The following CEP83 variants were observed in gnomAD, a reference collection of about 807,000 sequenced individuals.
The protein encoded by CEP83 is centrosomal protein of 83 kDa.
In CEP83, 70 loss-of-function variants were observed where a neutral mutation model predicts 101.9. The ratio of observed to expected loss-of-function variants is 0.69; its 90% CI spans 0.57 to 0.84. CEP83 has a LOEUF of 0.84. Among genes scored for constraint, CEP83 ranks in the 40% least tolerant of loss-of-function variants. CEP83 has a pLI of 0.00. For synonymous variants in CEP83, 264 were observed against 267.9 expected (o/e 0.99, Z 0.14); for missense variants, 715 against 787.2 (o/e 0.91, Z 1.10).
intron 1 of CEP83, among the ~76,000 whole-genome samples, chr12:94,442,521 AT>A (rs60529674): frequency 0.25 from 36,904 of 150,390 alleles, 4,864 homozygotes; most frequent in South Asian, 0.33. Flanking sequence ...TGAAATAATG[AT>A]TTTTTTTTTA....
chr12:94,398,686 G>A (rs547521037), intron 6 of CEP83, among the ~76,000 whole-genome samples: 5 of 152,276 alleles, frequency 3.3e-5, no homozygotes, highest in South Asian at 2.1e-4. Context: ...GACTGCCTGC[G>A]GGGTCAGACA....
At chr12:94,362,523 G>A (rs957064558) in intron 11 of CEP83, among the ~76,000 whole-genome samples, 1 of 152,118 alleles carries the variant, frequency 6.6e-6, no homozygotes, top group African/African-American at 2.4e-5. Context: ...CTGTAATCCA[G>A]CTGCTCAGGA....
chr12:94,411,468 A>C (rs1446153064), intron 4 of CEP83, among the ~76,000 whole-genome samples: 1 of 152,154 alleles, frequency 6.6e-6, no homozygotes, highest in African/African-American at 2.4e-5. Context: ...TTTATATCAG[A>C]ATAGGCAATA....
intron 11 of CEP83, among the ~76,000 whole-genome samples, chr12:94,345,023 G>A (rs1199656860): frequency 1.3e-5 from 2 of 152,072 alleles, no homozygotes; most frequent in Non-Finnish European, 2.9e-5. Context: ...AATTCAGTGA[G>A]GGAAAAGATA....
intron 9 of CEP83, chr12:94,368,470 C>A: frequency 3.5e-6 from 1 of 286,834 alleles, no homozygotes; most frequent in East Asian, 6.8e-5. Flanking sequence ...TTTACTCATT[C>A]GAACATTGAG....
intron 11 of CEP83, among the ~76,000 whole-genome samples, chr12:94,360,395 G>C (rs2060691361): frequency 6.6e-6 from 1 of 151,824 alleles, no homozygotes; most frequent in African/African-American, 2.4e-5. Context: ...CCACCAAAAA[G>C]CTCTTAGAAC....
intron 2 of CEP83, among the ~76,000 whole-genome samples, chr12:94,432,432 C>T (rs527858287): frequency 6.6e-6 from 1 of 152,160 alleles, no homozygotes; most frequent in African/African-American, 2.4e-5. Context: ...AGAATGAAAT[C>T]ATGTCATTTG....
chr12:94,361,899 C>T (rs577477150), intron 11 of CEP83, among the ~76,000 whole-genome samples: 4 of 152,220 alleles, frequency 2.6e-5, no homozygotes, highest in African/African-American at 9.6e-5. Context: ...CAGGGTTTCA[C>T]CATGTTGGTC....
intron 1 of CEP83, among the ~76,000 whole-genome samples, chr12:94,449,714 A>C (rs2067094933): frequency 6.9e-6 from 1 of 144,884 alleles, no homozygotes; most frequent in Non-Finnish European, 1.5e-5. Context: ...TTGAGGCTGC[A>C]GTGAGCCAAA....
chr12:94,296,263 T>G, the CEP83 span, among the ~76,000 whole-genome samples: 2 of 152,162 alleles, frequency 1.3e-5, no homozygotes, highest in African/African-American at 4.8e-5. Context: ...TGGGCTCAAA[T>G]GATCCTCCCA....
At chr12:94,289,647 A>AG in the CEP83 span, among the ~76,000 whole-genome samples, 1 of 152,206 alleles carries the variant, frequency 6.6e-6, no homozygotes, top group African/African-American at 2.4e-5. Flanking sequence ...TCTGCATTCC[A>AG]GGGCACTTTT....
chr12:94,392,977 A>G (rs1566071390), intron 6 of CEP83, among the ~76,000 whole-genome samples: 1 of 152,198 alleles, frequency 6.6e-6, no homozygotes, highest in Non-Finnish European at 1.5e-5. Flanking sequence ...AATTGAGGCA[A>G]TAATTAATAG....
intron 8 of CEP83, among the ~76,000 whole-genome samples, chr12:94,370,400 G>GT (rs1384937131): frequency 6.6e-6 from 1 of 152,172 alleles, no homozygotes; most frequent in Admixed American, 6.5e-5. Context: ...AAAAGACAGG[G>GT]TCTTGCTATG....
In CEP83 at chr12:94,335,518, T is replaced by G; in HGVS notation, c.1419+71A>C. The G allele has an allele frequency of 3.9e-6, 4 of 1,030,560 alleles. 1 individual carries two copies. In the South Asian group the frequency reaches 5.9e-5, roughly 15 times the overall value. 63.8% of individuals were successfully genotyped at this position (1,030,560 alleles called of 1,614,324 possible). A position where few individuals can be genotyped will look rare whatever the true frequency, so the allele number is the denominator to read the frequency against. On this transcript the variant is annotated intron_variant, in intron 12 of 16. Coordinates refer to ENST00000397809, the MANE Select transcript of CEP83 (RefSeq NM_016122.3). ...AAAAATACTGATGGCAAAATTTTTT[T>G]AAAATTTGCAAAACATAAATTTAAA...
chr12:94,417,759 G>A lies in CEP83; in HGVS notation c.-101-5168C>T, dbSNP rs140406946. On this transcript the variant is annotated intron_variant, in intron 2 of 16. Coordinates refer to ENST00000397809, the MANE Select transcript of CEP83 (RefSeq NM_016122.3). ...GCTGTGATCACACCACAGCACTCCC[G>A]CCTGGGCAACAGAGGAAGACTCCAT... 2.8e-3 allele frequency among the ~76,000 whole-genome samples: 420 copies of A among 152,068 alleles called. 2 individuals are homozygous for A. The highest frequency in any genetic ancestry group is 9.3e-3 in the African/African-American group (387 of 41,472).
At chr12:94,389,989 T>C (rs7957576) in intron 6 of CEP83, among the ~76,000 whole-genome samples, 85,935 of 152,158 alleles carry the variant, frequency 0.56, 24,289 homozygotes, top group Admixed American at 0.59. Context: ...CGGAGCCCAC[T>C]GCAGCTCAAC....
At chr12:94,305,664 T>C (rs1246621914), downstream of CEP83, 1 of 159,742 alleles carries the variant, frequency 6.3e-6, no homozygotes, top group African/African-American at 2.4e-5. Context: ...CACCTCTGCA[T>C]TGTAAAGGGA....
intron 6 of CEP83, among the ~76,000 whole-genome samples, chr12:94,390,399 A>G (rs1220624681): frequency 6.6e-6 from 1 of 152,212 alleles, no homozygotes; most frequent in Admixed American, 6.5e-5. Context: ...TGTTAGGAGG[A>G]AAACTAACAA....
chr12:94,369,048 T>G (rs1165180183), intron 9 of CEP83: 4 of 152,122 alleles, frequency 2.6e-5, no homozygotes, highest in African/African-American at 9.7e-5. Flanking sequence ...ACAGATCAAC[T>G]CAAGCATAGC....
Sources: allele counts gnomAD v4.1 joint callset (sites outside exome capture counted in the v4.1 genomes callset), GRCh38; gene constraint gnomAD v4.1.1; transcripts MANE v1.5; gene names NCBI Gene and HGNC (gene_info 2026-07-23, HGNC 2026-07-21).